Variants in XRN2 observed in about 807,000 individuals in gnomAD.
XRN2 encodes the protein 5'-3' exoribonuclease 2.
In XRN2, 44 loss-of-function variants were observed where a neutral mutation model predicts 138.5. That is an observed-to-expected ratio of 0.32 (90% CI 0.25 to 0.41). The LOEUF (loss-of-function observed/expected upper bound fraction) is 0.41, where lower values mean the gene tolerates loss of function less well. Ranked by LOEUF, XRN2 falls within the 10% of genes least tolerant of loss-of-function variation. The pLI is 1.00. For synonymous variants in XRN2, 354 were observed against 369.4 expected, an observed-to-expected ratio of 0.96 and a Z score of 0.48; for missense variants, 937 against 1,169.3, an observed-to-expected ratio of 0.80 and a Z score of 2.90.
chr20:21,342,704 T>G (rs2038387533), intron 15 of XRN2, among the ~76,000 whole-genome samples: 1 of 152,226 alleles, frequency 6.6e-6, no homozygotes, highest in Admixed American at 6.5e-5. Context: ...CAGTAATCTT[T>G]CACATGTATT....
chr20:21,324,011 C>T (rs1049963046), intron 1 of XRN2, among the ~76,000 whole-genome samples: 5 of 151,964 alleles, frequency 3.3e-5, no homozygotes, highest in African/African-American at 9.7e-5. Context: ...TGTGGTGGGC[C>T]GTTGGACAGG....
intron 21 of XRN2, among the ~76,000 whole-genome samples, chr20:21,355,122 A>G (rs1306319865): frequency 2.0e-5 from 3 of 152,220 alleles, no homozygotes; most frequent in Non-Finnish European, 4.4e-5. Context: ...TACTTCAACA[A>G]TATCCTTTGA....
chr20:21,388,622 T>A (rs1311246440), intron 29 of XRN2, among the ~76,000 whole-genome samples: 35 of 152,022 alleles, frequency 2.3e-4, no homozygotes, highest in Non-Finnish European at 4.4e-5. Context: ...CAAAATGAGG[T>A]GGGAGGGGGT....
Position 21,330,693 on chromosome 20 carries a change from G to T in XRN2, c.564G>T (p.Trp188Cys). 6.2e-7 allele frequency: 1 copy of T among 1,612,226 alleles called. No individual in the cohort carries two copies. Among genetic ancestry groups the T allele is most frequent in the Non-Finnish European group, 8.5e-7 (1 of 1,179,832 alleles). The change falls in exon 6 of 30, where the codon TGG becomes TGT. Residue 188 changes from tryptophan (W) to cysteine (C), a missense_variant. Around this residue, in one of 6 missense-constraint regions of XRN2, gnomAD observed 471 missense variants for 581.2 expected, o/e 0.81. Transcript: ENST00000377191. ...IADRLNNDPG[W>C]KNLTVILSDA... is the part of the protein sequence containing the mutation. Reference sequence around the variant, plus strand: ...ATCGTTTAAATAATGACCCTGGGTGGAAAAATTTGACAGTAAGTTTCACAT... The same window carrying T: ...ATCGTTTAAATAATGACCCTGGGTGTAAAAATTTGACAGTAAGTTTCACAT...
In XRN2 at chr20:21,344,083, T is replaced by C. The variant is rs2038405567; in HGVS notation, c.1411-7T>C. ...TCCTTCTTCTGTAATGTCATCATTGTCTGCAGAGTCCTTCGATATCTCCTA... is the reference window on the plus strand; with the variant it reads ...TCCTTCTTCTGTAATGTCATCATTGCCTGCAGAGTCCTTCGATATCTCCTA... On this transcript the variant is annotated splice_region_variant and splice_polypyrimidine_tract_variant and intron_variant, in intron 15 of 29. Transcript: ENST00000377191. The C allele has an allele frequency of 3.1e-6, 5 of 1,587,974 alleles. No homozygotes were observed. The highest frequency in any genetic ancestry group is 1.1e-5 in the South Asian group (1 of 90,060).
intron 24 of XRN2, among the ~76,000 whole-genome samples, chr20:21,360,308 C>G (rs975133756): frequency 6.6e-6 from 1 of 152,182 alleles, no homozygotes; most frequent in African/African-American, 2.4e-5. Context: ...ACCCTTTGAC[C>G]TCCGCCTCTT....
intron 26 of XRN2, among the ~76,000 whole-genome samples, chr20:21,368,171 A>T (rs2038723758): frequency 6.6e-6 from 1 of 152,220 alleles, no homozygotes; most frequent in Admixed American, 6.5e-5. Flanking sequence ...GACAAAACTG[A>T]AACATAATGC....
Position 21,356,646 on chromosome 20 carries a change from G to A in XRN2, c.2179G>A (p.Glu727Lys), listed in dbSNP as rs775355968. The A allele has an allele frequency of 1.2e-6, 2 of 1,613,668 alleles. No individual in the cohort carries two copies. Among genetic ancestry groups the A allele is most frequent in the Non-Finnish European group, 1.7e-6 (2 of 1,179,676 alleles). Residue 727 changes from glutamate (E) to lysine (K), a missense_variant, in exon 23 of 30, where the codon GAA (glutamate) becomes AAA (lysine). This residue lies in a region of XRN2 where 372 missense variants were observed against 414.4 expected (regional missense o/e 0.90). Coordinates refer to ENST00000377191, the MANE Select transcript of XRN2 (RefSeq NM_012255.5). The stretch of plus-strand genomic sequence containing the variant: ...TCAAGGAAAGTTTTCTTTGGATGAA[G>A]AAGCCATTCTTCCAGATCAGTAAGT... ...GIQGKFSLDE[E>K]AILPDQIVCS...
At chr20:21,318,078 G>T (rs561352623) in intron 1 of XRN2, among the ~76,000 whole-genome samples, 2 of 152,280 alleles carry the variant, frequency 1.3e-5, no homozygotes, top group African/African-American at 4.8e-5. Flanking sequence ...GTAGTTTGCG[G>T]ATTACTGATT....
chr20:21,336,785 T>C (rs775866712), intron 13 of XRN2, among the ~76,000 whole-genome samples: 10 of 152,134 alleles, frequency 6.6e-5, no homozygotes, highest in Non-Finnish European at 1.2e-4. Flanking sequence ...AGGAGGCATC[T>C]GGGAAGGGAG....
intron 26 of XRN2, among the ~76,000 whole-genome samples, chr20:21,367,090 C>T (rs1004408168): frequency 1.3e-5 from 2 of 152,058 alleles, no homozygotes; most frequent in Admixed American, 6.6e-5. Flanking sequence ...AGTGGTATCT[C>T]GTAGTTGCTT....
chr20:21,326,862 G>A (rs562305200), intron 3 of XRN2, among the ~76,000 whole-genome samples: 1 of 152,276 alleles, frequency 6.6e-6, no homozygotes, highest in South Asian at 2.1e-4. Context: ...AGGGAAGGAG[G>A]CATAGATAAA....
intron 1 of XRN2, among the ~76,000 whole-genome samples, chr20:21,308,041 A>C (rs1245719253): frequency 1.3e-5 from 1 of 75,622 alleles, no homozygotes; most frequent in Admixed American, 1.6e-4. Flanking sequence ...GGTTCAAGCA[A>C]TTCTCCTGCC....
intron 15 of XRN2, 133 bp from the exon 16 acceptor site, chr20:21,343,957 T>G (rs1001879813): frequency 1.7e-6 from 1 of 602,550 alleles, no homozygotes; most frequent in African/African-American, 1.8e-5. Flanking sequence ...ACCTTCTAAA[T>G]ATGTTTACCA....
rs1325294662 is a variant in XRN2, at chr20:21,303,426, C to T, written c.28C>T (p.Leu10Phe). 1 of 1,548,832 alleles carries T rather than the reference C, an allele frequency of 6.5e-7. No individual in the cohort carries two copies. Among genetic ancestry groups the T allele is most frequent in the East Asian group, 2.5e-5 (1 of 40,416 alleles). The change falls in exon 1 of 30, where the codon CTC becomes TTC. Residue 10 changes from leucine (L) to phenylalanine (F), a missense_variant. Coordinates refer to ENST00000377191, the MANE Select transcript of XRN2 (RefSeq NM_012255.5). ...GGGAGTCCCGGCGTTCTTCCGCTGGCTCAGCCGCAAGTACCCGTCCATCAT... is the reference window on the plus strand; with the variant it reads ...GGGAGTCCCGGCGTTCTTCCGCTGGTTCAGCCGCAAGTACCCGTCCATCAT... MGVPAFFRW[L>F]SRKYPSIIVN...
Position 21,356,188 on chromosome 20 carries a change from C to T in XRN2, c.2118+11C>T, listed in dbSNP as rs1426410531. Reference sequence around the variant, plus strand: ...ACAGGTTCCACAGAGGTATGTTACGCAATTTGGTTAATTAGAAATGCACTT... The same window carrying T: ...ACAGGTTCCACAGAGGTATGTTACGTAATTTGGTTAATTAGAAATGCACTT... On this transcript the variant is annotated intron_variant, in intron 22 of 29. Coordinates refer to ENST00000377191, the MANE Select transcript of XRN2 (RefSeq NM_012255.5). 1 of 1,580,050 alleles carries T rather than the reference C, an allele frequency of 6.3e-7. No homozygotes were observed. Among genetic ancestry groups the T allele is most frequent in the Non-Finnish European group, 8.6e-7 (1 of 1,163,636 alleles).
chr20:21,384,321 A>G (rs573126154), intron 28 of XRN2, among the ~76,000 whole-genome samples: 1 of 152,294 alleles, frequency 6.6e-6, no homozygotes, highest in Admixed American at 6.5e-5. Flanking sequence ...CAATCATGAA[A>G]AATCTTTTAA....
intron 27 of XRN2, among the ~76,000 whole-genome samples, chr20:21,377,413 T>C (rs1233593939): frequency 6.6e-6 from 1 of 151,772 alleles, no homozygotes; most frequent in African/African-American, 2.4e-5. Context: ...TGCACCACCA[T>C]GCCCAGCTAC....
intron 27 of XRN2, 31 bp downstream of exon 27, chr20:21,368,621 T>C (rs768267320): frequency 5.6e-6 from 9 of 1,607,074 alleles, no homozygotes; most frequent in Admixed American, 1.7e-5. Context: ...TATTTTACAT[T>C]ATAAATTAAA....
Sources: allele counts gnomAD v4.1 joint callset (sites outside exome capture counted in the v4.1 genomes callset), GRCh38; gene constraint gnomAD v4.1.1; regional missense constraint gnomAD v4.1.1; transcripts MANE v1.5; gene names NCBI Gene and HGNC (gene_info 2026-07-23, HGNC 2026-07-21).